TPPP2: variants seen among roughly 807,000 people sequenced by gnomAD.
TPPP2 encodes tubulin polymerization-promoting protein family member 2.
Under a neutral mutation model 13.0 loss-of-function variants are expected in TPPP2, and 8 were observed. That is an observed-to-expected ratio of 0.62 (90% CI 0.36 to 1.11). The LOEUF (loss-of-function observed/expected upper bound fraction) is 1.11, where lower values mean the gene tolerates loss of function less well. TPPP2 is among the 50% of genes most tolerant of loss of function. The probability of loss-of-function intolerance (pLI) is 0.02; values close to 1 mark genes in which losing one functional copy is unlikely to be tolerated. For synonymous variants in TPPP2, 81 were observed against 81.8 expected, an observed-to-expected ratio of 0.99 and a Z score of 0.05; for missense variants, 213 against 216.9, an observed-to-expected ratio of 0.98 and a Z score of 0.11.
intron 2 of TPPP2, 50 bp from the exon 3 acceptor site, chr14:21,030,962 G>A (rs1253247652): frequency 3.2e-6 from 5 of 1,564,748 alleles, no homozygotes; most frequent in Non-Finnish European, 3.5e-6. Context: ...GACCTTGGAA[G>A]GTAATGCATT....
chr14:21,025,734 GACA>G (rs1003893874), upstream of TPPP2: 13 of 743,734 alleles, frequency 1.7e-5, no homozygotes, highest in African/African-American at 2.2e-4. This position sits in a 1 kb window ranked among gnomAD's most constrained non-coding sequence, Gnocchi z 5.1. Context: ...GGAGAAGTTG[GACA>G]ACAAGGCGGG....
chr14:21,026,852 G>A (rs543817801), upstream of TPPP2, among the ~76,000 whole-genome samples: 59 of 152,250 alleles, frequency 3.9e-4, no homozygotes, highest in Middle Eastern at 0.027. Flanking sequence ...CCTGGACAAG[G>A]AAAAGCCTGC....
At chr14:21,036,027 C>T (rs1884598665), downstream of TPPP2, 20 of 376,604 alleles carry the variant, frequency 5.3e-5, no homozygotes, top group South Asian at 4.0e-4. Context: ...TATTTTTTAC[C>T]TCACGGCAGT....
At chr14:21,027,760 G>A (rs1441190528), upstream of TPPP2, among the ~76,000 whole-genome samples, 1 of 152,208 alleles carries the variant, frequency 6.6e-6, no homozygotes, top group Non-Finnish European at 1.5e-5. Context: ...ACGCCAGGAG[G>A]CTGTGGCCCA....
chr14:21,031,164 C>T lies in TPPP2; in HGVS notation c.326C>T (p.Thr109Ile), dbSNP rs775584852. 1.2e-6 allele frequency: 2 copies of T among 1,613,340 alleles called. No individual in the cohort carries two copies. The highest frequency in any genetic ancestry group is 2.2e-5 in the East Asian group (1 of 44,874). The change falls in exon 3 of 4, where the codon ACT becomes ATT. Residue 109 changes from threonine (T) to isoleucine (I), a missense_variant and splice_region_variant. Transcript: ENST00000321760. Reference protein sequence around the residue: ...EGKDPATTGATKATTVGAVDR... With the variant: ...EGKDPATTGAIKATTVGAVDR... ...AAAGACCCAGCCACCACTGGCGCTA[C>T]TGTGAGTGACAGCCTTCATCCCCTT...
At position 21,025,006 on chromosome 14, in the gene TPPP2, C is replaced by G. The variant is rs1159354217; in HGVS notation, n.236+662C>G. On this transcript the variant is annotated intron_variant and non_coding_transcript_variant, in intron 1 of 1. Coordinates refer to the TPPP2 transcript ENST00000533755. This position sits in a 1 kb window ranked among gnomAD's most constrained non-coding sequence, Gnocchi z 5.1. ...GCTGGCGCCTTCCAGGCCCTACGGC[C>G]CCTCGCCTGCCCCTCCCCCTACCTG... The G allele has an allele frequency of 1.0e-5, 10 of 985,828 alleles. No homozygotes were observed. The highest frequency in any genetic ancestry group is 1.2e-5 in the Non-Finnish European group (10 of 830,384). 61.1% of individuals were successfully genotyped at this position (985,828 alleles called of 1,614,324 possible). A position where few individuals can be genotyped will look rare whatever the true frequency, so the allele number is the denominator to read the frequency against.
At chr14:21,024,967 C>G in intron 1 of TPPP2, 23 of 985,648 alleles carry the variant, frequency 2.3e-5, no homozygotes, top group Non-Finnish European at 2.8e-5. Flanking sequence ...TCAATCACAC[C>G]GCCCGCCGGC....
downstream of TPPP2, among the ~76,000 whole-genome samples, chr14:21,034,996 G>T (rs555316784): frequency 1.3e-5 from 2 of 152,344 alleles, no homozygotes; most frequent in South Asian, 4.1e-4. Context: ...GTGGCAAGGT[G>T]AGTAGGAAAG....
At chr14:21,030,426 G>A in intron 1 of TPPP2, 87 bp from the exon 2 acceptor site, 1 of 736,430 alleles carries the variant, frequency 1.4e-6, no homozygotes, top group Non-Finnish European at 2.2e-6. Context: ...GAGCTGGGAG[G>A]GAGAAAGGAG....
rs1884286117 is a variant in TPPP2 at position 21,032,470 on chromosome 14, A to G, written c.*393A>G. ...AAAGGGTGTAGCAATTCCTCACGTG[A>G]TGGACTATGACTATATCACATATTA... On this transcript the variant is annotated 3_prime_UTR_variant, in exon 4 of 4. Coordinates refer to ENST00000321760, the MANE Select transcript of TPPP2 (RefSeq NM_173846.5). The G allele has an allele frequency of 1.0e-5, 4 of 395,910 alleles. No individual in the cohort carries two copies. Among genetic ancestry groups the G allele is most frequent in the Non-Finnish European group, 5.0e-6 (1 of 199,980 alleles). The allele number at this position is 395,910 out of a possible 1,614,324, so 24.5% of individuals were successfully genotyped here.
chr14:21,025,574 T>C, upstream of TPPP2: 3 of 983,432 alleles, frequency 3.1e-6, no homozygotes, highest in Non-Finnish European at 3.6e-6. This position sits in a 1 kb window ranked among gnomAD's most constrained non-coding sequence, Gnocchi z 5.1. Flanking sequence ...GAGGCGGGGG[T>C]CTCGCCGGCT....
At position 21,032,432 on chromosome 14, in the gene TPPP2, C is replaced by T. The variant is rs1224616208; in HGVS notation, c.*355C>T. On this transcript the variant is annotated 3_prime_UTR_variant, in exon 4 of 4. Transcript: ENST00000321760. ...CACATTACTGATATCCACCTCTCCA[C>T]CCCCACCCCTCAAAAGGGTGTAGCA... 1.4e-5 allele frequency: 6 copies of T among 424,668 alleles called. 1 individual carries two copies. Among genetic ancestry groups the T allele is most frequent in the Admixed American group, 1.0e-4 (4 of 38,824 alleles). 26.3% of individuals were successfully genotyped at this position (424,668 alleles called of 1,614,324 possible).
downstream of TPPP2, chr14:21,036,212 G>A (rs1357912430): frequency 2.2e-6 from 1 of 456,094 alleles, no homozygotes; most frequent in Non-Finnish European, 4.4e-6. Flanking sequence ...GTCTCGCCTG[G>A]ACAGCACACA....
upstream of TPPP2, chr14:21,028,414 A>G (rs562035935): frequency 2.6e-5 from 4 of 152,110 alleles, no homozygotes; most frequent in South Asian, 2.1e-4. Context: ...ACCACTCCCA[A>G]CTAATTTTTT....
Position 21,025,040 on chromosome 14 carries a change from G to A in TPPP2, n.236+696G>A, listed in dbSNP as rs1883148340. ...GCCCCTCCCCCTACCTGCTGCCGCC[G>A]CGGCCGCTTCCACCTTCACTTGCCT... is the stretch of plus-strand genomic sequence containing the variant. On this transcript the variant is annotated intron_variant and non_coding_transcript_variant, in intron 1 of 1. Transcript: ENST00000533755. The surrounding 1 kb of genome is among the most constrained non-coding windows in gnomAD (Gnocchi z 5.1). 1.3e-5 allele frequency: 13 copies of A among 985,306 alleles called. No homozygotes were observed. In the South Asian group the frequency reaches 5.6e-4, roughly 43 times the overall value. 61.0% of individuals were successfully genotyped at this position (985,306 alleles called of 1,614,324 possible).
downstream of TPPP2, among the ~76,000 whole-genome samples, chr14:21,034,964 C>G (rs1425479152): frequency 6.6e-6 from 1 of 152,228 alleles, no homozygotes; most frequent in Non-Finnish European, 1.5e-5. Flanking sequence ...GATGTTTTCT[C>G]TGTTCCATAG....
intron 3 of TPPP2, 34 bp from the exon 4 acceptor site, chr14:21,031,858 A>C (rs1248500343): frequency 6.2e-7 from 1 of 1,603,756 alleles, no homozygotes; most frequent in Non-Finnish European, 8.5e-7. Flanking sequence ...GCGTAAGGAA[A>C]GGAAGAGAGC....
chr14:21,026,150 A>ACG (rs1883591668), upstream of TPPP2, among the ~76,000 whole-genome samples: 1 of 151,302 alleles, frequency 6.6e-6, no homozygotes, highest in Non-Finnish European at 1.5e-5. Flanking sequence ...ACACACGCAC[A>ACG]CGCACACACA....
intron 3 of TPPP2, chr14:21,031,415 A>G (rs1236339024): frequency 8.2e-6 from 4 of 489,566 alleles, no homozygotes; most frequent in Non-Finnish European, 1.1e-5. Context: ...CCAGGCAATT[A>G]GGGCTTGGTA....
Sources: allele counts gnomAD v4.1 joint callset (sites outside exome capture counted in the v4.1 genomes callset), GRCh38; gene constraint gnomAD v4.1.1; non-coding constraint Gnocchi (gnomAD v3.1); transcripts MANE v1.5; gene names NCBI Gene and HGNC (gene_info 2026-07-23, HGNC 2026-07-21).